Variants in RBFOX1 observed in about 807,000 individuals in gnomAD.
RBFOX1 encodes RNA binding protein fox-1 homolog 1.
In RBFOX1, 8 loss-of-function variants were observed where a neutral mutation model predicts 57.7. That is an observed-to-expected ratio of 0.14 (90% CI 0.08 to 0.25). RBFOX1 has a LOEUF of 0.25. Among genes scored for constraint, RBFOX1 ranks in the 10% least tolerant of loss-of-function variants. The pLI is 1.00. For synonymous variants in RBFOX1, 326 were observed against 222.4 expected, an observed-to-expected ratio of 1.47 and a Z score of -4.15; for missense variants, 611 against 548.5, an observed-to-expected ratio of 1.11 and a Z score of -1.14.
intron 12 of RBFOX1, among the ~76,000 whole-genome samples, chr16:7,661,031 C>A (rs1289316658): frequency 2.0e-5 from 3 of 152,166 alleles, no homozygotes; most frequent in Non-Finnish European, 2.9e-5. Context: ...AAAGGCTAGA[C>A]TAGGGACTGA....
chr16:5,498,592 T>C (rs1395918827), intron 2 of RBFOX1, among the ~76,000 whole-genome samples: 1 of 152,114 alleles, frequency 6.6e-6, no homozygotes, highest in Non-Finnish European at 1.5e-5. Context: ...GGAAGATGTT[T>C]TAGGAGGCTG....
chr16:6,792,359 C>G (rs550286783), intron 3 of RBFOX1, among the ~76,000 whole-genome samples: 3 of 152,238 alleles, frequency 2.0e-5, no homozygotes, highest in African/African-American at 7.2e-5. Context: ...TTTTAGGATT[C>G]TATAATTGCA....
chr16:6,074,252 A>G (rs2095870090), intron 1 of RBFOX1, among the ~76,000 whole-genome samples: 1 of 152,108 alleles, frequency 6.6e-6, no homozygotes, highest in Non-Finnish European at 1.5e-5. Context: ...CCGGCCATCA[A>G]GCTTCTTTCT....
intron 5 of RBFOX1, among the ~76,000 whole-genome samples, chr16:7,551,101 A>AG (rs1265650497): frequency 1.3e-5 from 2 of 151,472 alleles, no homozygotes; most frequent in East Asian, 1.9e-4. Flanking sequence ...AAAAAAAAAA[A>AG]AAAAGAAAAA....
chr16:6,636,813 AAT>A lies in RBFOX1; in HGVS notation c.-63-17784_-63-17783del, dbSNP rs369340131. 6.8e-5 allele frequency among the ~76,000 whole-genome samples: 3 copies of A among 44,252 alleles called. 1 individual carries two copies. Among genetic ancestry groups the A allele is most frequent in the Admixed American group, 6.2e-4 (2 of 3,212 alleles). 29.0% of individuals were successfully genotyped at this position (44,252 alleles called of 152,430 possible). A position where few individuals can be genotyped will look rare whatever the true frequency, so the allele number is the denominator to read the frequency against. ...ATAATATATGTTATATATAATATAT[AAT>A]ATATAATATATGTTATATATAATAT... On this transcript the variant is annotated intron_variant, in intron 2 of 15. Coordinates refer to ENST00000550418, the MANE Select transcript of RBFOX1 (RefSeq NM_018723.4).
intron 4 of RBFOX1, among the ~76,000 whole-genome samples, chr16:7,080,042 GTATA>G (rs35162308): frequency 7.0e-6 from 1 of 142,082 alleles, no homozygotes; most frequent in East Asian, 2.0e-4. Flanking sequence ...GTATATAGAT[GTATA>G]TATATATACA....
chr16:5,945,613 G>A (rs1248764621), intron 4 of RBFOX1, among the ~76,000 whole-genome samples: 1 of 151,364 alleles, frequency 6.6e-6, no homozygotes, highest in Non-Finnish European at 1.5e-5. Context: ...ATAACTCCTA[G>A]GTTCACAGAG....
chr16:5,789,920 C>A (rs2054631235), intron 3 of RBFOX1, among the ~76,000 whole-genome samples: 1 of 152,190 alleles, frequency 6.6e-6, no homozygotes, highest in African/African-American at 2.4e-5. Context: ...AGTGTATGGG[C>A]TGTGCTAGCT....
At position 5,903,570 on chromosome 16, in the gene RBFOX1, C is replaced by CA. The variant is rs1391677895; in HGVS notation, c.351+36240dup. Among the ~76,000 whole-genome samples, 3 of 152,148 alleles carry CA rather than the reference C, an allele frequency of 2.0e-5. No homozygotes were observed. In the East Asian group the frequency reaches 5.8e-4, roughly 29 times the overall value. On this transcript the variant is annotated intron_variant, in intron 4 of 19. Transcript: ENST00000641259. ...AGGAGACAGGCAGGGGCCAGCCAGA[C>CA]AAAAACACTGTCTCTTGCAGCCGTG...
At chr16:6,010,929 G>A (rs2094957629) in intron 4 of RBFOX1, among the ~76,000 whole-genome samples, 1 of 152,130 alleles carries the variant, frequency 6.6e-6, no homozygotes, top group Admixed American at 6.5e-5. Flanking sequence ...TGGAAGCACA[G>A]AAATGTAAAT....
intron 1 of RBFOX1, among the ~76,000 whole-genome samples, chr16:6,256,850 G>T (rs752603359): frequency 3.3e-5 from 5 of 152,108 alleles, no homozygotes; most frequent in African/African-American, 4.8e-5. Context: ...GCTAAGAGCA[G>T]TATGTGGGAT....
At chr16:6,432,538 G>A (rs920236456) in intron 2 of RBFOX1, among the ~76,000 whole-genome samples, 15 of 151,264 alleles carry the variant, frequency 9.9e-5, no homozygotes, top group Admixed American at 7.2e-4. Flanking sequence ...AAAAATGAGC[G>A]GGGTGTGGTG....
intron 2 of RBFOX1, among the ~76,000 whole-genome samples, chr16:6,409,791 T>A (rs956179704): frequency 6.6e-6 from 1 of 152,154 alleles, no homozygotes; most frequent in Non-Finnish European, 1.5e-5. Flanking sequence ...CACAAGTGAC[T>A]CTTCTCTTCC....
chr16:6,575,102 T>C (rs2097411232), intron 2 of RBFOX1, among the ~76,000 whole-genome samples: 1 of 150,892 alleles, frequency 6.6e-6, no homozygotes, highest in Non-Finnish European at 1.5e-5. Context: ...CTTTGAGACA[T>C]GGCCTGGGGT....
At chr16:6,859,128 T>TATGTATATATATATATGTATATATAG (rs2058460055) in intron 3 of RBFOX1, among the ~76,000 whole-genome samples, 1 of 77,160 alleles carries the variant, frequency 1.3e-5, no homozygotes, top group Non-Finnish European at 2.2e-5. Flanking sequence ...TATATATATA[T>TATGTATATATATATATGTATATATAG]ACATATATAT....
At chr16:6,380,345 G>A (rs2091666226) in intron 2 of RBFOX1, among the ~76,000 whole-genome samples, 1 of 148,204 alleles carries the variant, frequency 6.7e-6, no homozygotes, top group Non-Finnish European at 1.5e-5. Context: ...ACTGGAGGCT[G>A]AAGACCCCTC....
intron 2 of RBFOX1, chr16:6,483,363 C>A: frequency 6.7e-7 from 1 of 1,501,086 alleles, no homozygotes; most frequent in Non-Finnish European, 8.9e-7. Context: ...CCCGGGCGAG[C>A]GAAGGCGCGC....
intron 4 of RBFOX1, among the ~76,000 whole-genome samples, chr16:7,317,206 C>T (rs941443111): frequency 6.6e-6 from 1 of 151,978 alleles, no homozygotes; most frequent in Non-Finnish European, 1.5e-5. Context: ...AGGAGTAAAA[C>T]GTTTTGAAAA....
intron 2 of RBFOX1, among the ~76,000 whole-genome samples, chr16:5,532,178 C>T (rs1328069362): frequency 6.6e-6 from 1 of 152,156 alleles, no homozygotes; most frequent in Admixed American, 6.5e-5. Context: ...AATTCTTGGT[C>T]ATGGTTGGGG....
Sources: allele counts gnomAD v4.1 joint callset (sites outside exome capture counted in the v4.1 genomes callset), GRCh38; gene constraint gnomAD v4.1.1; transcripts MANE v1.5; gene names NCBI Gene and HGNC (gene_info 2026-07-23, HGNC 2026-07-21).